Variants in ANO10 observed in about 807,000 individuals in gnomAD.
The protein encoded by ANO10 is anoctamin-10.
A neutral mutation model predicts 74.7 loss-of-function variants in ANO10; 77 were observed. The ratio of observed to expected loss-of-function variants is 1.03; its 90% CI spans 0.86 to 1.25. ANO10 has a LOEUF of 1.25. ANO10 is among the 50% of genes most tolerant of loss of function. The pLI, the probability that ANO10 is intolerant of heterozygous loss-of-function variation, is 0.00. For synonymous variants in ANO10, 279 were observed against 284.9 expected (o/e 0.98, Z 0.21); for missense variants, 721 against 778.1 (o/e 0.93, Z 0.87).
chr3:43,403,485 G>A (rs1251368858), intron 12 of ANO10, among the ~76,000 whole-genome samples: 1 of 152,160 alleles, frequency 6.6e-6, no homozygotes, highest in Non-Finnish European at 1.5e-5. Flanking sequence ...AAGAGCTCAG[G>A]GCAGCAGGAG....
At chr3:43,597,467 A>G (rs1222248149) in intron 4 of ANO10, among the ~76,000 whole-genome samples, 2 of 152,170 alleles carry the variant, frequency 1.3e-5, no homozygotes, top group Non-Finnish European at 2.9e-5. Context: ...TTGTAGGGAC[A>G]TGGATGAAGC....
At chr3:43,566,922 T>C (rs1339650154) in intron 7 of ANO10, among the ~76,000 whole-genome samples, 10 of 152,084 alleles carry the variant, frequency 6.6e-5, no homozygotes, top group Non-Finnish European at 1.3e-4. Flanking sequence ...GGCAAAGAAG[T>C]TGAAAACTTT....
intron 12 of ANO10, among the ~76,000 whole-genome samples, chr3:43,374,546 G>A (rs2091731440): frequency 6.6e-6 from 1 of 152,214 alleles, no homozygotes; most frequent in South Asian, 2.1e-4. Context: ...GTTGGATCTA[G>A]ACGTTTCATT....
chr3:43,607,781 A>G (rs2082632753), intron 1 of ANO10, among the ~76,000 whole-genome samples: 1 of 152,224 alleles, frequency 6.6e-6, no homozygotes, highest in Non-Finnish European at 1.5e-5. Context: ...CTAAAAGACA[A>G]GATTGATAAT....
intron 1 of ANO10, among the ~76,000 whole-genome samples, chr3:43,651,236 T>C (rs1269854407): frequency 2.0e-5 from 3 of 151,630 alleles, no homozygotes; most frequent in Non-Finnish European, 2.9e-5. Flanking sequence ...AAATATCTAC[T>C]GTGTGTCCTA....
At chr3:43,421,441 T>C (rs535100620) in intron 12 of ANO10, among the ~76,000 whole-genome samples, 66 of 152,226 alleles carry the variant, frequency 4.3e-4, no homozygotes, top group African/African-American at 1.6e-3. Flanking sequence ...AGGAAGATCA[T>C]TTGAGCCTGG....
At chr3:43,458,955 C>T (rs751143923) in intron 11 of ANO10, among the ~76,000 whole-genome samples, 60 of 152,256 alleles carry the variant, frequency 3.9e-4, no homozygotes, top group Admixed American at 2.4e-3. Context: ...GATGATTAAA[C>T]CTATTTCTTA....
chr3:43,650,319 G>GCCCA (rs2083773260), intron 1 of ANO10, among the ~76,000 whole-genome samples: 1 of 152,076 alleles, frequency 6.6e-6, no homozygotes, highest in Non-Finnish European at 1.5e-5. Context: ...CTCTTGGTAG[G>GCCCA]TAAAAGCATT....
At chr3:43,634,591 A>G (rs2083586663) in intron 1 of ANO10, among the ~76,000 whole-genome samples, 1 of 152,168 alleles carries the variant, frequency 6.6e-6, no homozygotes, top group Non-Finnish European at 1.5e-5. Context: ...AGCAATTAAT[A>G]TTAAGGCAGG....
chr3:43,591,794 C>T (rs966250786), intron 4 of ANO10, among the ~76,000 whole-genome samples: 4 of 152,162 alleles, frequency 2.6e-5, no homozygotes, highest in East Asian at 1.9e-4. Flanking sequence ...CGAAGCAGGG[C>T]GAGGAATCAC....
At chr3:43,538,878 T>C (rs1042964119) in intron 11 of ANO10, among the ~76,000 whole-genome samples, 1 of 152,174 alleles carries the variant, frequency 6.6e-6, no homozygotes, top group Non-Finnish European at 1.5e-5. Context: ...AATAAGAAGA[T>C]ACAGTAAATT....
At chr3:43,673,001 T>G (rs1392691588) in intron 1 of ANO10, among the ~76,000 whole-genome samples, 1 of 152,194 alleles carries the variant, frequency 6.6e-6, no homozygotes, top group East Asian at 1.9e-4. Flanking sequence ...AGGTAAACAG[T>G]ACGATTACTA....
chr3:43,471,147 C>T (rs2075842075), intron 11 of ANO10, among the ~76,000 whole-genome samples: 1 of 152,016 alleles, frequency 6.6e-6, no homozygotes, highest in Non-Finnish European at 1.5e-5. Flanking sequence ...TGTGGTGACC[C>T]AGAAAATATT....
chr3:43,544,700 T>C (rs1210252203), intron 11 of ANO10, among the ~76,000 whole-genome samples: 1 of 148,926 alleles, frequency 6.7e-6, no homozygotes, highest in African/African-American at 2.5e-5. Flanking sequence ...GGCTGAGCCA[T>C]GAGAATTGCT....
intron 11 of ANO10, among the ~76,000 whole-genome samples, chr3:43,528,458 C>CA (rs1221004703): frequency 2.0e-5 from 3 of 151,458 alleles, no homozygotes; most frequent in East Asian, 3.9e-4. Flanking sequence ...AAATATCTAA[C>CA]AAATGAACAA....
chr3:43,555,749 C>A lies in ANO10; in HGVS notation c.1477-280G>T, dbSNP rs2079716514. On this transcript the variant is annotated intron_variant, in intron 9 of 12. Coordinates refer to ENST00000292246, the MANE Select transcript of ANO10 (RefSeq NM_018075.5). Reference sequence around the variant, plus strand: ...TTAATAAACATTATTATTATCGCATCTCTGAATCAGTCTTTCACTAAGATA... The same window carrying A: ...TTAATAAACATTATTATTATCGCATATCTGAATCAGTCTTTCACTAAGATA... Among the ~76,000 whole-genome samples, 3 of 152,220 alleles carry A rather than the reference C, an allele frequency of 2.0e-5. No homozygotes were observed. The South Asian group carries it at 6.2e-4, about 32-fold the overall frequency.
chr3:43,638,779 C>A (rs1213453822), intron 1 of ANO10: 1 of 152,236 alleles, frequency 6.6e-6, no homozygotes, highest in Non-Finnish European at 1.5e-5. Context: ...TATTAATACT[C>A]AAGGTAGGTA....
rs1257689943 is a variant in ANO10, at chr3:43,541,091, C to T, written c.1797+8629G>A. Among the ~76,000 whole-genome samples, 3 of 152,084 alleles carry T rather than the reference C, an allele frequency of 2.0e-5. No homozygotes were observed. In the East Asian group the frequency reaches 5.8e-4, roughly 29 times the overall value. On this transcript the variant is annotated intron_variant, in intron 11 of 12. Coordinates refer to ENST00000292246, the MANE Select transcript of ANO10 (RefSeq NM_018075.5). Reference sequence around the variant, plus strand: ...AGTTCCATAATTCTATTCAAAAGCACCCTAATCCAAAAATAAAAAACCAAC... The same window carrying T: ...AGTTCCATAATTCTATTCAAAAGCATCCTAATCCAAAAATAAAAAACCAAC...
chr3:43,674,817 T>A (rs533595908), intron 1 of ANO10, among the ~76,000 whole-genome samples: 67 of 152,324 alleles, frequency 4.4e-4, no homozygotes, highest in African/African-American at 1.6e-3. Context: ...TGGTCTTTTA[T>A]GTCCCTGCCT....
Sources: gnomAD v4.1 joint callset for allele counts (sites outside exome capture counted in the v4.1 genomes callset) on GRCh38, gnomAD v4.1.1 for gene constraint, MANE v1.5 for transcripts, NCBI Gene and HGNC (gene_info 2026-07-23, HGNC 2026-07-21) for gene names.